SHISA6: variants seen among roughly 807,000 people sequenced by gnomAD.
SHISA6 encodes shisa family member 6, also known as protein shisa-6.
In SHISA6, 22 loss-of-function variants were observed where a neutral mutation model predicts 47.9. The ratio of observed to expected loss-of-function variants is 0.46; its 90% confidence interval spans 0.33 to 0.66. The LOEUF is 0.66. SHISA6 is among the 30% of genes least tolerant of loss of function. The probability of loss-of-function intolerance (pLI) is 0.02; values close to 1 mark genes in which losing one functional copy is unlikely to be tolerated. For synonymous variants in SHISA6, 388 were observed against 337.8 expected, an observed-to-expected ratio of 1.15 and a Z score of -1.63; for missense variants, 680 against 764.6, an observed-to-expected ratio of 0.89 and a Z score of 1.30.
chr17:11,428,774 A>ACTTT (rs1914666925), intron 3 of SHISA6, among the ~76,000 whole-genome samples: 2 of 137,260 alleles, frequency 1.5e-5, no homozygotes, highest in African/African-American at 5.6e-5. Context: ...GGCAGGATCC[A>ACTTT]CTTTCTTTTT....
chr17:11,256,267 G>A (rs1246624801), intron 1 of SHISA6, among the ~76,000 whole-genome samples: 1 of 152,152 alleles, frequency 6.6e-6, no homozygotes, highest in Non-Finnish European at 1.5e-5. Flanking sequence ...GGCCAAGGTT[G>A]GGTGGATCAC....
intron 3 of SHISA6, among the ~76,000 whole-genome samples, chr17:11,497,955 A>G (rs1309491271): frequency 6.6e-6 from 1 of 152,146 alleles, no homozygotes; most frequent in Non-Finnish European, 1.5e-5. Flanking sequence ...GAGAGCAGGT[A>G]TTGGGTTCTC....
At chr17:11,465,216 T>C (rs73977321) in intron 3 of SHISA6, among the ~76,000 whole-genome samples, 4,057 of 152,232 alleles carry the variant, frequency 0.027, 196 homozygotes, top group African/African-American at 0.092. Flanking sequence ...CTGTCCCCTC[T>C]GTGTTCTCAC....
intron 3 of SHISA6, among the ~76,000 whole-genome samples, chr17:11,399,539 G>A (rs7207906): frequency 0.047 from 7,081 of 151,882 alleles, 506 homozygotes; most frequent in African/African-American, 0.15. Context: ...CTCCTGCCTC[G>A]GCCTCCTGAG....
At chr17:11,340,235 C>T (rs1166049449) in intron 2 of SHISA6, among the ~76,000 whole-genome samples, 1 of 152,196 alleles carries the variant, frequency 6.6e-6, no homozygotes, top group African/African-American at 2.4e-5. Context: ...GACTATCCCC[C>T]AAATTAATGA....
At chr17:11,455,985 C>T (rs756114103) in intron 3 of SHISA6, among the ~76,000 whole-genome samples, 4 of 147,250 alleles carry the variant, frequency 2.7e-5, no homozygotes, top group Non-Finnish European at 4.5e-5. Context: ...ATATGGAAGT[C>T]CATATTGTCT....
At chr17:11,518,760 A>G (rs771216089) in intron 3 of SHISA6, among the ~76,000 whole-genome samples, 1 of 152,206 alleles carries the variant, frequency 6.6e-6, no homozygotes, top group Non-Finnish European at 1.5e-5. Context: ...GAATATTTTG[A>G]AAGTTCTGCA....
chr17:11,296,892 A>G (rs1909770491), intron 2 of SHISA6, among the ~76,000 whole-genome samples: 2 of 152,086 alleles, frequency 1.3e-5, no homozygotes, highest in African/African-American at 2.4e-5. Flanking sequence ...AGGGGAAATA[A>G]CTTACCATGT....
intron 3 of SHISA6, among the ~76,000 whole-genome samples, chr17:11,398,859 G>A (rs534615164): frequency 6.6e-6 from 1 of 151,974 alleles, no homozygotes; most frequent in Non-Finnish European, 1.5e-5. Flanking sequence ...CCAAAGTCCT[G>A]GGATTACAGG....
At chr17:11,257,937 T>A (rs1908078922) in intron 1 of SHISA6, among the ~76,000 whole-genome samples, 1 of 152,192 alleles carries the variant, frequency 6.6e-6, no homozygotes. Flanking sequence ...ACTTAGGTTT[T>A]CATCTGTGAA....
chr17:11,286,960 G>C (rs112353574), intron 2 of SHISA6, among the ~76,000 whole-genome samples: 3 of 152,296 alleles, frequency 2.0e-5, no homozygotes, highest in African/African-American at 7.2e-5. Flanking sequence ...GAAGGAAGTA[G>C]CTTGACCAGC....
At chr17:11,535,052 C>T (rs1223631951) in intron 3 of SHISA6, among the ~76,000 whole-genome samples, 1 of 152,076 alleles carries the variant, frequency 6.6e-6, no homozygotes, top group East Asian at 1.9e-4. Flanking sequence ...TGCTTGAACC[C>T]AGGAGGCAGA....
At chr17:11,473,685 G>A (rs1256492759) in intron 3 of SHISA6, among the ~76,000 whole-genome samples, 1 of 152,092 alleles carries the variant, frequency 6.6e-6, no homozygotes, top group African/African-American at 2.4e-5. Flanking sequence ...GGAAAAAACA[G>A]ATGGACAAAT....
intron 2 of SHISA6, among the ~76,000 whole-genome samples, chr17:11,350,224 G>A (rs975605602): frequency 1.8e-5 from 2 of 108,946 alleles, no homozygotes; most frequent in African/African-American, 3.8e-5. Context: ...CTGTCGCCCA[G>A]GCTGGAGTGC....
chr17:11,548,663 G>A (rs548414616), intron 3 of SHISA6, among the ~76,000 whole-genome samples: 14 of 152,138 alleles, frequency 9.2e-5, no homozygotes, highest in African/African-American at 2.9e-4. Context: ...ATGAGACATC[G>A]CTAAAGATGT....
At chr17:11,419,996 G>C (rs1235757756) in intron 3 of SHISA6, among the ~76,000 whole-genome samples, 2 of 152,138 alleles carry the variant, frequency 1.3e-5, no homozygotes, top group Admixed American at 1.3e-4. Flanking sequence ...CTGAGGTCAG[G>C]AGTTCGAGAC....
chr17:11,399,400 T>G (rs1463439629), intron 3 of SHISA6, among the ~76,000 whole-genome samples: 1 of 152,096 alleles, frequency 6.6e-6, no homozygotes, highest in Non-Finnish European at 1.5e-5. Context: ...GACTATCCAT[T>G]GTCCATTTTT....
intron 3 of SHISA6, among the ~76,000 whole-genome samples, chr17:11,415,594 G>A (rs1339955012): frequency 1.3e-5 from 2 of 152,168 alleles, no homozygotes; most frequent in African/African-American, 2.4e-5. Context: ...TAAGCCAGAC[G>A]ATTATTGATA....
In SHISA6 at chr17:11,247,210, C is replaced by T. The variant is rs1907625266; in HGVS notation, c.638+5150C>T. Among the ~76,000 whole-genome samples the T allele has an allele frequency of 2.6e-5, 4 of 152,314 alleles. No individual in the cohort carries two copies. In the South Asian group the frequency reaches 8.3e-4, roughly 32 times the overall value. ...TGGTTAAGACAGCTGAGAAAGTGAT[C>T]TGATTGAAAGAGGCTAATTCACTAG... is the stretch of plus-strand genomic sequence containing the variant. On this transcript the variant is annotated intron_variant, in intron 1 of 5. Coordinates refer to ENST00000441885, the MANE Select transcript of SHISA6 (RefSeq NM_207386.4).
Sources: gnomAD v4.1 joint callset for allele counts (sites outside exome capture counted in the v4.1 genomes callset) on GRCh38, gnomAD v4.1.1 for gene constraint, MANE v1.5 for transcripts, NCBI Gene and HGNC (gene_info 2026-07-23, HGNC 2026-07-21) for gene names.